The following SLC35D2 variants were observed in gnomAD, a reference collection of about 807,000 sequenced individuals.
SLC35D2 encodes solute carrier family 35 member D2.
SLC35D2 carries 43 observed loss-of-function variants against 41.8 expected under a neutral mutation model. That is an observed-to-expected ratio of 1.03 (90% CI 0.81 to 1.33). SLC35D2 has a LOEUF of 1.33. Among genes scored for constraint, SLC35D2 ranks in the 40% most tolerant of loss-of-function variants. The probability of loss-of-function intolerance (pLI) is 0.00; values close to 1 mark genes in which losing one functional copy is unlikely to be tolerated. For synonymous variants in SLC35D2, 150 were observed against 163.9 expected, an observed-to-expected ratio of 0.92 and a Z score of 0.65; for missense variants, 380 against 408.4, an observed-to-expected ratio of 0.93 and a Z score of 0.60.
chr9:96,321,163 C>T lies in SLC35D2; in HGVS notation c.*79G>A, dbSNP rs1030358051. ...GGGGGTGGATGTCACGAATCCGAAA[C>T]CTCTGGCTTCACATTCCTACTGGGA... On this transcript the variant is annotated 3_prime_UTR_variant, in exon 12 of 12. Coordinates refer to ENST00000253270, the MANE Select transcript of SLC35D2 (RefSeq NM_007001.3). 2 of 1,107,764 alleles carry T rather than the reference C, an allele frequency of 1.8e-6. No individual in the cohort carries two copies. The highest frequency in any genetic ancestry group is 1.6e-5 in the African/African-American group (1 of 64,130). 68.6% of individuals were successfully genotyped at this position (1,107,764 alleles called of 1,614,324 possible).
In SLC35D2 at chr9:96,360,159, T is replaced by G. The variant is rs1191185939; in HGVS notation, c.342A>C (p.Lys114Asn). Residue 114 changes from lysine to asparagine, a missense_variant, in exon 4 of 12, where the codon AAA becomes AAC. Transcript: ENST00000253270. ...NHISGLSSTSKLSLPMFTVLR... is the reference protein window; with the variant it reads ...NHISGLSSTSNLSLPMFTVLR... ...GCCATTATCCTATACTCTACCTTAA[T>G]TTACTTGTGCTTGATAATCCACTTA... The G allele has an allele frequency of 6.2e-7, 1 of 1,611,864 alleles. No individual in the cohort carries two copies. The highest frequency in any genetic ancestry group is 8.5e-7 in the Non-Finnish European group (1 of 1,178,262).
rs1448475253 is a variant in SLC35D2 at position 96,383,463 on chromosome 9, G to A, written c.158+14C>T. On this transcript the variant is annotated intron_variant, in intron 1 of 11. Transcript: ENST00000253270. ...GCACTCCCGCAGACCCCCCGGCCCC[G>A]GGCCCCGCCTCACCCGTAGGTGGTC... 20 of 1,477,352 alleles carry A rather than the reference G, an allele frequency of 1.4e-5. No homozygotes were observed. The African/African-American group carries it at 1.9e-4, about 14-fold the overall frequency. The allele number at this position is 1,477,352 out of a possible 1,614,324, so 91.5% of individuals were successfully genotyped here.
In SLC35D2 at chr9:96,322,093, A is replaced by G; in HGVS notation, c.832-13T>C. The G allele has an allele frequency of 6.6e-7, 1 of 1,522,188 alleles. No individual in the cohort carries two copies. The highest frequency in any genetic ancestry group is 9.1e-7 in the Non-Finnish European group (1 of 1,102,780). The allele number at this position is 1,522,188 out of a possible 1,614,324, so 94.3% of individuals were successfully genotyped here. On this transcript the variant is annotated splice_polypyrimidine_tract_variant and intron_variant, in intron 10 of 11. Coordinates refer to ENST00000253270, the MANE Select transcript of SLC35D2 (RefSeq NM_007001.3). ...CAACGGATACATTCTGCAGAAAAAG[A>G]GAGAGGATTCGTCATTTTAAAAGTA...
At chr9:96,354,863 A>T (rs1829954845) in intron 4 of SLC35D2, among the ~76,000 whole-genome samples, 1 of 151,674 alleles carries the variant, frequency 6.6e-6, no homozygotes, top group African/African-American at 2.4e-5. Context: ...TAACAAAAGA[A>T]GTGTAAGACT....
intron 1 of SLC35D2, 108 bp from the exon 2 acceptor site, chr9:96,368,413 AT>A: frequency 1.1e-6 from 1 of 889,676 alleles, no homozygotes; most frequent in Non-Finnish European, 1.7e-6. Flanking sequence ...ATGAAAATTT[AT>A]CAAATTGTTC....
At chr9:96,343,814 T>C in intron 8 of SLC35D2, 90 bp downstream of exon 8, 1 of 780,630 alleles carries the variant, frequency 1.3e-6, no homozygotes, top group South Asian at 2.1e-5. Context: ...TAGCTAACTT[T>C]ACACTTTTTG....
intron 1 of SLC35D2, among the ~76,000 whole-genome samples, chr9:96,371,422 G>T (rs892310432): frequency 5.6e-5 from 7 of 124,986 alleles, no homozygotes; most frequent in Non-Finnish European, 6.4e-5. Flanking sequence ...AGTGAGCTGA[G>T]ATCACGCCAC....
rs57493593 is a variant in SLC35D2 at position 96,322,717 on chromosome 9, GTTTT to G, written c.832-641_832-638del. ...TCATTGGGTAGTGAGGTTTTCTGGG[GTTTT>G]TTTTTTTTTTTTTTTGAGACAGAGT... On this transcript the variant is annotated intron_variant, in intron 10 of 11. Transcript: ENST00000253270. Among the ~76,000 whole-genome samples the G allele has an allele frequency of 6.3e-5, 7 of 111,428 alleles. 1 individual carries two copies. The highest frequency in any genetic ancestry group is 1.9e-4 in the African/African-American group (5 of 26,118). The allele number at this position is 111,428 out of a possible 152,430, so 73.1% of individuals were successfully genotyped here. A position where few individuals can be genotyped will look rare whatever the true frequency, so the allele number is the denominator to read the frequency against.
chr9:96,360,128 C>A, intron 4 of SLC35D2, 26 bp downstream of exon 4: 1 of 1,586,668 alleles, frequency 6.3e-7, no homozygotes, highest in Non-Finnish European at 8.6e-7. Context: ...GAGGAACTTT[C>A]CACCAGCCAT....
At chr9:96,336,311 T>C (rs78327281) in intron 9 of SLC35D2, among the ~76,000 whole-genome samples, 20,101 of 151,706 alleles carry the variant, frequency 0.13, 1,792 homozygotes, top group East Asian at 0.29. Context: ...GAGGCTAAGG[T>C]AGGAAGATTG....
At chr9:96,366,985 C>T (rs1454566889) in intron 2 of SLC35D2, among the ~76,000 whole-genome samples, 5 of 150,850 alleles carry the variant, frequency 3.3e-5, no homozygotes, top group Non-Finnish European at 1.5e-5. Flanking sequence ...CTTTGGGAGG[C>T]CGAGGTGGGT....
At chr9:96,315,081 A>G (rs926550061) in intron 11 of SLC35D2, among the ~76,000 whole-genome samples, 1 of 152,198 alleles carries the variant, frequency 6.6e-6, no homozygotes, top group African/African-American at 2.4e-5. Flanking sequence ...TCACAGAAGA[A>G]TGAGTCCACA....
At chr9:96,323,783 G>A (rs1037548225) in intron 10 of SLC35D2, among the ~76,000 whole-genome samples, 10 of 151,992 alleles carry the variant, frequency 6.6e-5, no homozygotes, top group Non-Finnish European at 7.4e-5. Context: ...AAAATTAGCC[G>A]GGTGTGGTGG....
intron 1 of SLC35D2, chr9:96,374,033 T>A (rs1260140390): frequency 6.6e-6 from 1 of 152,206 alleles, no homozygotes; most frequent in African/African-American, 2.4e-5. Flanking sequence ...CAGTACTGTG[T>A]GTGCCCTGTT....
At chr9:96,337,880 G>T (rs1201408557) in intron 8 of SLC35D2, among the ~76,000 whole-genome samples, 1 of 151,164 alleles carries the variant, frequency 6.6e-6, no homozygotes, top group Non-Finnish European at 1.5e-5. Context: ...TACTACAGGG[G>T]CTGAGGCAGG....
At chr9:96,326,594 G>A (rs1386091365) in intron 9 of SLC35D2, among the ~76,000 whole-genome samples, 1 of 151,968 alleles carries the variant, frequency 6.6e-6, no homozygotes, top group Non-Finnish European at 1.5e-5. Flanking sequence ...ACAAGGTCAG[G>A]AGATTGAGAC....
chr9:96,328,221 T>C (rs1220553571), intron 9 of SLC35D2, among the ~76,000 whole-genome samples: 1 of 143,794 alleles, frequency 7.0e-6, no homozygotes, highest in Non-Finnish European at 1.5e-5. Context: ...TATTGCTGAA[T>C]TCTTAGTAAC....
chr9:96,352,106 T>C lies in SLC35D2; in HGVS notation c.351A>G (p.Leu117=), dbSNP rs747926284. The change falls in exon 5 of 12, where the codon CTA becomes CTG. Residue 117 remains leucine, a synonymous_variant. Coordinates refer to ENST00000253270, the MANE Select transcript of SLC35D2 (RefSeq NM_007001.3). ...SGLSSTSKLS[L]PMFTVLRKFT... Reference sequence around the variant, plus strand: ...ATTTCCTGAGCACGGTGAACATCGGTAGGCTGCCAGGAAAAGAGTGAAGCA... The same window carrying C: ...ATTTCCTGAGCACGGTGAACATCGGCAGGCTGCCAGGAAAAGAGTGAAGCA... 3.7e-6 allele frequency: 6 copies of C among 1,610,252 alleles called. No homozygotes were observed. The highest frequency in any genetic ancestry group is 5.1e-6 in the Non-Finnish European group (6 of 1,177,504).
At chr9:96,360,628 C>CAAAAAA (rs906000581) in intron 3 of SLC35D2, among the ~76,000 whole-genome samples, 6 of 15,698 alleles carry the variant, frequency 3.8e-4, no homozygotes, top group African/African-American at 7.7e-4. Flanking sequence ...GACTTCATCT[C>CAAAAAA]AAAAAAAAAA....
Sources: allele counts gnomAD v4.1 joint callset (sites outside exome capture counted in the v4.1 genomes callset), GRCh38; gene constraint gnomAD v4.1.1; transcripts MANE v1.5; gene names NCBI Gene and HGNC (gene_info 2026-07-23, HGNC 2026-07-21).